Variants in CDK19 observed in about 807,000 individuals in gnomAD.
CDK19 encodes the protein cyclin dependent kinase 19, also known as cyclin-dependent kinase 19.
Under a neutral mutation model 68.3 loss-of-function variants are expected in CDK19, and 20 were observed. That is an observed-to-expected ratio of 0.29 (90% CI 0.21 to 0.43). The LOEUF (loss-of-function observed/expected upper bound fraction) is 0.43, where lower values mean the gene tolerates loss of function less well. CDK19 is among the 20% of genes least tolerant of loss of function. CDK19 has a pLI of 1.00. For missense variants in CDK19, 339 were observed against 623.5 expected (o/e 0.54, Z 4.86); for synonymous variants, 221 against 222.8 (o/e 0.99, Z 0.07).
chr6:110,719,992 C>CA (rs1775735699), intron 2 of CDK19, among the ~76,000 whole-genome samples: 1 of 126,008 alleles, frequency 7.9e-6, no homozygotes, highest in African/African-American at 2.9e-5. Context: ...CCCCACCCCC[C>CA]CCCTGCTTCG....
chr6:110,754,961 G>C (rs1225774514), intron 1 of CDK19, among the ~76,000 whole-genome samples: 2 of 151,328 alleles, frequency 1.3e-5, no homozygotes, highest in Non-Finnish European at 2.9e-5. Flanking sequence ...GAGGAAGAAA[G>C]AGCTGATCCC....
chr6:110,668,347 C>A (rs761532941), intron 3 of CDK19, among the ~76,000 whole-genome samples: 2 of 152,116 alleles, frequency 1.3e-5, no homozygotes, highest in Non-Finnish European at 2.9e-5. Context: ...GCTCCAGTAA[C>A]TTTAAGATGA....
chr6:110,707,211 C>G (rs1167720847), intron 2 of CDK19, among the ~76,000 whole-genome samples: 2 of 152,146 alleles, frequency 1.3e-5, no homozygotes, highest in Non-Finnish European at 2.9e-5. Context: ...TCACACATGC[C>G]TGTAATCTCA....
chr6:110,644,546 T>C (rs948540310), intron 4 of CDK19, among the ~76,000 whole-genome samples: 2 of 152,140 alleles, frequency 1.3e-5, no homozygotes, highest in African/African-American at 4.8e-5. Flanking sequence ...AAAGGATAAA[T>C]GCTTGAGGTG....
intron 1 of CDK19, chr6:110,813,166 G>A (rs1373208709): frequency 6.6e-6 from 1 of 151,438 alleles, no homozygotes; most frequent in Non-Finnish European, 1.5e-5. Context: ...AAGTGTATTC[G>A]AATCAAGTAC....
chr6:110,775,429 A>G (rs1028546977), intron 1 of CDK19, among the ~76,000 whole-genome samples: 1 of 152,218 alleles, frequency 6.6e-6, no homozygotes, highest in Admixed American at 6.5e-5. Flanking sequence ...AAAAGGAGAA[A>G]GTAGCACTGT....
chr6:110,641,549 C>T (rs1401554268), intron 4 of CDK19, among the ~76,000 whole-genome samples: 2 of 144,090 alleles, frequency 1.4e-5, no homozygotes, highest in African/African-American at 2.6e-5. Context: ...GAGCTGAGAT[C>T]GTGCCACTGT....
chr6:110,793,237 G>C (rs1274628204), intron 1 of CDK19, among the ~76,000 whole-genome samples: 7 of 152,026 alleles, frequency 4.6e-5, no homozygotes, highest in Non-Finnish European at 5.9e-5. Context: ...TGCTGAAAAA[G>C]AAAATGTCTT....
At chr6:110,704,350 A>T (rs1013612800) in intron 2 of CDK19, among the ~76,000 whole-genome samples, 1 of 151,954 alleles carries the variant, frequency 6.6e-6, no homozygotes, top group Admixed American at 6.6e-5. Context: ...AATTTCATGA[A>T]CCCCAATGTC....
chr6:110,696,887 C>T (rs559594030), intron 2 of CDK19, among the ~76,000 whole-genome samples: 71 of 152,086 alleles, frequency 4.7e-4, no homozygotes, highest in Non-Finnish European at 6.8e-4. Context: ...GGCAAAACCC[C>T]GTCTCTTCTA....
At chr6:110,812,938 T>C (rs1783223726) in intron 1 of CDK19, among the ~76,000 whole-genome samples, 1 of 151,914 alleles carries the variant, frequency 6.6e-6, no homozygotes, top group Non-Finnish European at 1.5e-5. Flanking sequence ...GTGTTTACTG[T>C]AAAGTTGCAA....
intron 1 of CDK19, among the ~76,000 whole-genome samples, chr6:110,767,252 G>A (rs1220410591): frequency 6.6e-6 from 1 of 152,000 alleles, no homozygotes; most frequent in African/African-American, 2.4e-5. Context: ...AGGAGAGGCT[G>A]GTTAACAGGT....
intron 1 of CDK19, among the ~76,000 whole-genome samples, chr6:110,807,267 G>A (rs894232820): frequency 6.6e-6 from 1 of 152,080 alleles, no homozygotes; most frequent in African/African-American, 2.4e-5. Flanking sequence ...AGCCAAAGCT[G>A]CAGTGAGCCA....
chr6:110,792,258 C>A (rs943817128), intron 1 of CDK19, among the ~76,000 whole-genome samples: 3 of 152,096 alleles, frequency 2.0e-5, no homozygotes. Flanking sequence ...CGTGAGCCAC[C>A]GCGCCTGGCC....
intron 8 of CDK19, among the ~76,000 whole-genome samples, chr6:110,624,924 G>A (rs1778990662): frequency 6.6e-6 from 1 of 152,194 alleles, no homozygotes; most frequent in South Asian, 2.1e-4. Context: ...TTCTGAATCT[G>A]AAAAGTGGAA....
At chr6:110,774,551 C>A (rs1780261693) in intron 1 of CDK19, among the ~76,000 whole-genome samples, 1 of 152,188 alleles carries the variant, frequency 6.6e-6, no homozygotes, top group African/African-American at 2.4e-5. Flanking sequence ...AACACGAAAT[C>A]TTTATTTCTG....
intron 2 of CDK19, among the ~76,000 whole-genome samples, chr6:110,676,499 A>G (rs2114486634): frequency 6.6e-6 from 1 of 152,318 alleles, no homozygotes; most frequent in South Asian, 2.1e-4. Flanking sequence ...GTTACAGAGA[A>G]ATCTTTCAAG....
At chr6:110,809,882 A>G (rs1782953480) in intron 1 of CDK19, among the ~76,000 whole-genome samples, 1 of 152,230 alleles carries the variant, frequency 6.6e-6, no homozygotes, top group Non-Finnish European at 1.5e-5. Context: ...GACTTTACAT[A>G]TGTAAGAACA....
intron 1 of CDK19, among the ~76,000 whole-genome samples, chr6:110,794,786 AAT>A (rs151016201): frequency 1.3e-5 from 2 of 151,800 alleles, no homozygotes; most frequent in Non-Finnish European, 2.9e-5. Flanking sequence ...TTTTCAGAAT[AAT>A]ATATATATAT....
Sources: gnomAD v4.1 joint callset for allele counts (sites outside exome capture counted in the v4.1 genomes callset) on GRCh38, gnomAD v4.1.1 for gene constraint, MANE v1.5 for transcripts, NCBI Gene and HGNC (gene_info 2026-07-23, HGNC 2026-07-21) for gene names.